The following ADAMTSL1 variants were observed in gnomAD, a reference collection of about 807,000 sequenced individuals.
ADAMTSL1 encodes the protein ADAMTS like 1, also known as ADAMTS-like protein 1.
In ADAMTSL1, 126 loss-of-function variants were observed where a neutral mutation model predicts 201.8. That is an observed-to-expected ratio of 0.62 (90% confidence interval 0.54 to 0.72). ADAMTSL1 has a LOEUF of 0.72. Ranked by LOEUF, ADAMTSL1 falls within the 30% of genes least tolerant of loss-of-function variation. The pLI, the probability that ADAMTSL1 is intolerant of heterozygous loss-of-function variation, is 0.00. For synonymous variants in ADAMTSL1, 1,121 were observed against 903.4 expected (o/e 1.24, Z -4.32); for missense variants, 2,679 against 2,277.8 (o/e 1.18, Z -3.59).
At chr9:17,907,577 C>A (rs1825768164) in intron 1 of ADAMTSL1, among the ~76,000 whole-genome samples, 1 of 152,120 alleles carries the variant, frequency 6.6e-6, no homozygotes, top group Admixed American at 6.5e-5. Flanking sequence ...TCTCCAGGGC[C>A]ACACGGGGTG....
chr9:18,010,558 C>A (rs1003085901), intron 1 of ADAMTSL1, among the ~76,000 whole-genome samples: 4 of 151,970 alleles, frequency 2.6e-5, no homozygotes, highest in Admixed American at 6.6e-5. Flanking sequence ...CACAATTCAA[C>A]ATCTGCTGAA....
chr9:18,618,948 C>T (rs1161234760), intron 4 of ADAMTSL1, among the ~76,000 whole-genome samples: 4 of 152,066 alleles, frequency 2.6e-5, no homozygotes, highest in Non-Finnish European at 5.9e-5. Context: ...CAACCAGAAA[C>T]CTCTGCCACA....
intron 2 of ADAMTSL1, among the ~76,000 whole-genome samples, chr9:18,329,738 T>C (rs1834957987): frequency 6.6e-6 from 1 of 152,222 alleles, no homozygotes; most frequent in Non-Finnish European, 1.5e-5. Flanking sequence ...TCTGAATATA[T>C]GGTATTCATC....
At chr9:18,887,200 A>G (rs1410666901) in intron 23 of ADAMTSL1, among the ~76,000 whole-genome samples, 1 of 152,244 alleles carries the variant, frequency 6.6e-6, no homozygotes, top group East Asian at 1.9e-4. Flanking sequence ...AGTCTTGGGT[A>G]GACATTTGAG....
chr9:18,004,355 A>G (rs1391201381), intron 1 of ADAMTSL1, among the ~76,000 whole-genome samples: 1 of 152,022 alleles, frequency 6.6e-6, no homozygotes, highest in African/African-American at 2.4e-5. Flanking sequence ...CTGCTTCCAT[A>G]GGAAGCAGAT....
At chr9:18,791,560 C>T (rs1243290440) in intron 19 of ADAMTSL1, among the ~76,000 whole-genome samples, 4 of 152,116 alleles carry the variant, frequency 2.6e-5, no homozygotes, top group Non-Finnish European at 5.9e-5. Flanking sequence ...TGAGATTCTA[C>T]TTCAAATCCT....
chr9:18,334,368 C>T (rs76750093), intron 2 of ADAMTSL1, among the ~76,000 whole-genome samples: 2,709 of 152,228 alleles, frequency 0.018, 47 homozygotes, highest in African/African-American at 0.048. Flanking sequence ...TGCATATACA[C>T]GTGTGCACAT....
chr9:18,175,472 G>A (rs531393510), intron 2 of ADAMTSL1, among the ~76,000 whole-genome samples: 4 of 152,244 alleles, frequency 2.6e-5, no homozygotes, highest in South Asian at 2.1e-4. Context: ...TTGGGATGTC[G>A]TATTCCTGAA....
At chr9:18,743,436 G>T (rs568935218) in intron 15 of ADAMTSL1, among the ~76,000 whole-genome samples, 2 of 152,164 alleles carry the variant, frequency 1.3e-5, no homozygotes, top group African/African-American at 2.4e-5. Flanking sequence ...TAGCAAAGAC[G>T]GTTTGACAAG....
chr9:18,827,696 G>A (rs188856486), intron 22 of ADAMTSL1, among the ~76,000 whole-genome samples: 1 of 152,304 alleles, frequency 6.6e-6, no homozygotes, highest in Non-Finnish European at 1.5e-5. Flanking sequence ...AGTCTAAGAT[G>A]TATGGCTGCT....
chr9:18,414,341 A>C lies in ADAMTSL1; in HGVS notation c.208-90488A>C, dbSNP rs189698937. Among the ~76,000 whole-genome samples, 49 of 152,314 alleles carry C rather than the reference A, an allele frequency of 3.2e-4. No homozygotes were observed. In the East Asian group the frequency reaches 9.3e-3, roughly 29 times the overall value. ...AAAGTAATCTTTTAACAAATGAGAGACTTCTTAATTATATTCAGATATAAT... is the reference window on the plus strand; with the variant it reads ...AAAGTAATCTTTTAACAAATGAGAGCCTTCTTAATTATATTCAGATATAAT... On this transcript the variant is annotated intron_variant, in intron 2 of 29. Coordinates refer to the ADAMTSL1 transcript ENST00000680146.
chr9:18,431,176 A>G (rs992502942), intron 2 of ADAMTSL1, among the ~76,000 whole-genome samples: 1 of 152,204 alleles, frequency 6.6e-6, no homozygotes, highest in African/African-American at 2.4e-5. Flanking sequence ...TTCATTCAAG[A>G]CAGACCTAGG....
intron 2 of ADAMTSL1, among the ~76,000 whole-genome samples, chr9:18,528,171 C>A (rs913764077): frequency 3.3e-5 from 5 of 152,154 alleles, no homozygotes; most frequent in African/African-American, 1.2e-4. Context: ...AGCCACCACA[C>A]CTGGCCCATT....
chr9:18,791,094 G>C (rs1822005386), intron 19 of ADAMTSL1, among the ~76,000 whole-genome samples: 2 of 152,194 alleles, frequency 1.3e-5, no homozygotes, highest in Admixed American at 6.5e-5. Flanking sequence ...AGCGAATTAA[G>C]CTAAATTAAT....
chr9:18,318,908 C>A (rs368088833), intron 2 of ADAMTSL1, among the ~76,000 whole-genome samples: 8 of 152,134 alleles, frequency 5.3e-5, no homozygotes, highest in Admixed American at 5.2e-4. Flanking sequence ...ATTATTGATA[C>A]TTTACAAACA....
intron 2 of ADAMTSL1, among the ~76,000 whole-genome samples, chr9:18,345,049 G>A (rs929232761): frequency 6.6e-6 from 1 of 152,188 alleles, no homozygotes; most frequent in South Asian, 2.1e-4. Flanking sequence ...TCCTTCTCCT[G>A]TCCCTGGAGA....
In ADAMTSL1 at chr9:18,514,174, G is replaced by T. The variant is rs755728974; in HGVS notation, c.191+9218G>T. Among the ~76,000 whole-genome samples the T allele has an allele frequency of 2.6e-3, 403 of 152,112 alleles. 2 individuals are homozygous for T. The highest frequency in any genetic ancestry group is 2.9e-3 in the Non-Finnish European group (197 of 67,980). Reference sequence around the variant, plus strand: ...GTCATCTTTAATTTCTTTCAGTAATGTTTTGTGATTGTCAGTGTTCAAGTC... The same window carrying T: ...GTCATCTTTAATTTCTTTCAGTAATTTTTTGTGATTGTCAGTGTTCAAGTC... On this transcript the variant is annotated intron_variant, in intron 2 of 28. Transcript: ENST00000380548.
chr9:18,251,622 C>T (rs1327201119), intron 2 of ADAMTSL1, among the ~76,000 whole-genome samples: 1 of 152,062 alleles, frequency 6.6e-6, no homozygotes, highest in Non-Finnish European at 1.5e-5. Flanking sequence ...AAAATGATTT[C>T]AAGGCTCACA....
chr9:18,288,656 GA>G, intron 2 of ADAMTSL1, among the ~76,000 whole-genome samples: 2 of 152,096 alleles, frequency 1.3e-5, no homozygotes, highest in South Asian at 4.2e-4. Flanking sequence ...GAAAGGAAAA[GA>G]AAAAGATAAA....
Sources: allele counts gnomAD v4.1 joint callset (sites outside exome capture counted in the v4.1 genomes callset), GRCh38; gene constraint gnomAD v4.1.1; transcripts MANE v1.5; gene names NCBI Gene and HGNC (gene_info 2026-07-23, HGNC 2026-07-21).